EYS: variants seen among roughly 807,000 people sequenced by gnomAD.
EYS encodes the protein protein eyes shut homolog.
A neutral mutation model predicts 282.1 loss-of-function variants in EYS; 250 were observed. That is an observed-to-expected ratio of 0.89 (90% CI 0.80 to 0.98). EYS has a LOEUF of 0.98. Among genes scored for constraint, EYS ranks in the 50% least tolerant of loss-of-function variants. The probability of loss-of-function intolerance (pLI) is 0.00; values close to 1 mark genes in which losing one functional copy is unlikely to be tolerated. For missense variants in EYS, 4,016 were observed against 3,709.0 expected, an observed-to-expected ratio of 1.08 and a Z score of -2.15; for synonymous variants, 1,355 against 1,282.9, an observed-to-expected ratio of 1.06 and a Z score of -1.20.
chr6:64,482,302 T>C (rs941562777), intron 26 of EYS, among the ~76,000 whole-genome samples: 3 of 151,654 alleles, frequency 2.0e-5, no homozygotes, highest in Non-Finnish European at 4.4e-5. Context: ...GGAGTGGATG[T>C]TGGGGACTCA....
intron 35 of EYS, among the ~76,000 whole-genome samples, chr6:63,887,314 G>GTTTTTTTTTTTTTTTT (rs35622877): frequency 8.3e-6 from 1 of 120,236 alleles, no homozygotes. Flanking sequence ...AATAAAAGGT[G>GTTTTTTTTTTTTTTTT]TTTTTTTTTT....
At chr6:65,131,437 C>G (rs1179673418) in intron 12 of EYS, among the ~76,000 whole-genome samples, 1 of 151,726 alleles carries the variant, frequency 6.6e-6, no homozygotes, top group African/African-American at 2.4e-5. Flanking sequence ...TCACTCAAAA[C>G]TGTGCAATTA....
intron 12 of EYS, among the ~76,000 whole-genome samples, chr6:65,084,368 T>C (rs986472523): frequency 2.0e-5 from 3 of 152,162 alleles, no homozygotes; most frequent in Admixed American, 6.6e-5. Flanking sequence ...AGAAAAGCTA[T>C]ACTTAGAATC....
At chr6:63,872,477 G>T (rs866245807) in intron 35 of EYS, among the ~76,000 whole-genome samples, 6 of 119,370 alleles carry the variant, frequency 5.0e-5, no homozygotes, top group Admixed American at 9.7e-5. Flanking sequence ...CCTAAATATG[G>T]TTTTTTTTTT....
rs71551560 is a variant in EYS at position 64,085,340 on chromosome 6, G to GCACACACACACACACACA, written c.6425-3356_6425-3339dup. On this transcript the variant is annotated intron_variant, in intron 31 of 42. Transcript: ENST00000503581. ...CGCGCGCGCGTGCGCACGTGCGCGC[G>GCACACACACACACACACA]CACACACACACACACACACACACAC... Among the ~76,000 whole-genome samples, 971 of 139,832 alleles carry GCACACACACACACACACA rather than the reference G, an allele frequency of 6.9e-3. 20 individuals are homozygous for GCACACACACACACACACA. The highest frequency in any genetic ancestry group is 0.024 in the African/African-American group (863 of 35,716). The allele number at this position is 139,832 out of a possible 152,430, so 91.7% of individuals were successfully genotyped here.
At chr6:64,789,985 CT>C (rs549994462) in intron 22 of EYS, among the ~76,000 whole-genome samples, 78 of 151,384 alleles carry the variant, frequency 5.2e-4, no homozygotes, top group African/African-American at 1.9e-3. Context: ...TAGATTTGTT[CT>C]TTTTTTTACG....
At chr6:64,876,601 C>T (rs1374444296) in intron 19 of EYS, among the ~76,000 whole-genome samples, 1 of 151,954 alleles carries the variant, frequency 6.6e-6, no homozygotes, top group African/African-American at 2.4e-5. Context: ...AGAAAATAAA[C>T]AGTTAAGTGA....
chr6:65,472,616 G>A (rs1182060975), intron 5 of EYS, among the ~76,000 whole-genome samples: 1 of 151,868 alleles, frequency 6.6e-6, no homozygotes, highest in African/African-American at 2.4e-5. Flanking sequence ...AATATAAAGT[G>A]TCTTATTTGT....
chr6:65,016,610 T>C (rs570505718), intron 13 of EYS, among the ~76,000 whole-genome samples: 2 of 152,322 alleles, frequency 1.3e-5, no homozygotes, highest in Admixed American at 6.5e-5. Flanking sequence ...CAGAAGTCTT[T>C]AGTGAAATCC....
chr6:65,344,835 T>A (rs1182080255), intron 9 of EYS, among the ~76,000 whole-genome samples: 1 of 151,540 alleles, frequency 6.6e-6, no homozygotes, highest in African/African-American at 2.4e-5. Flanking sequence ...TCATTAATAG[T>A]GGTAATAAAA....
chr6:64,243,124 A>G (rs921360064), intron 30 of EYS, among the ~76,000 whole-genome samples: 2 of 150,714 alleles, frequency 1.3e-5, no homozygotes. Context: ...AAAATCTCCA[A>G]CTAAATAAAA....
intron 32 of EYS, among the ~76,000 whole-genome samples, chr6:64,067,710 G>T (rs1344942115): frequency 6.6e-6 from 1 of 152,066 alleles, no homozygotes; most frequent in Admixed American, 6.6e-5. Context: ...TCATAATACT[G>T]ATAGGGTTCA....
intron 31 of EYS, among the ~76,000 whole-genome samples, chr6:64,198,735 A>G (rs755138443): frequency 6.6e-6 from 1 of 152,204 alleles, no homozygotes; most frequent in Non-Finnish European, 1.5e-5. Flanking sequence ...ACTGATGGGT[A>G]TTTGGATTGG....
intron 28 of EYS, among the ~76,000 whole-genome samples, chr6:64,412,174 C>T (rs1414359334): frequency 6.6e-6 from 1 of 151,708 alleles, no homozygotes; most frequent in East Asian, 1.9e-4. Context: ...TTTGCCTATA[C>T]ACAGAATATA....
chr6:64,415,890 C>T (rs759985673), intron 28 of EYS, among the ~76,000 whole-genome samples: 1 of 152,100 alleles, frequency 6.6e-6, no homozygotes, highest in African/African-American at 2.4e-5. Context: ...TCTCTTTCTC[C>T]TAAATATTAA....
At chr6:64,085,790 T>C (rs1772137349) in intron 31 of EYS, among the ~76,000 whole-genome samples, 1 of 152,178 alleles carries the variant, frequency 6.6e-6, no homozygotes. Context: ...ATCACAAAAG[T>C]TACCGTTTGT....
intron 2 of EYS, among the ~76,000 whole-genome samples, chr6:65,570,402 A>T (rs2127351959): frequency 6.6e-6 from 1 of 152,318 alleles, no homozygotes; most frequent in East Asian, 1.9e-4. Context: ...TTGGGAACTC[A>T]TCAGCAAGTC....
chr6:65,561,191 A>T (rs1440526908), intron 2 of EYS, among the ~76,000 whole-genome samples: 1 of 152,130 alleles, frequency 6.6e-6, no homozygotes, highest in Non-Finnish European at 1.5e-5. Context: ...GTTGGGACCC[A>T]CATCTTAGAC....
At chr6:64,344,759 G>T (rs1273574096) in intron 29 of EYS, among the ~76,000 whole-genome samples, 1 of 152,048 alleles carries the variant, frequency 6.6e-6, no homozygotes, top group East Asian at 1.9e-4. Flanking sequence ...AAGTCAAATT[G>T]TCCCTATTTG....
Sources: gnomAD v4.1 joint callset for allele counts (sites outside exome capture counted in the v4.1 genomes callset) on GRCh38, gnomAD v4.1.1 for gene constraint, MANE v1.5 for transcripts, NCBI Gene and HGNC (gene_info 2026-07-23, HGNC 2026-07-21) for gene names.